Variants in ABCC4 observed in about 807,000 individuals in gnomAD.
The protein encoded by ABCC4 is ATP-binding cassette sub-family C member 4.
A neutral mutation model predicts 168.5 loss-of-function variants in ABCC4; 102 were observed. The ratio of observed to expected loss-of-function variants is 0.61; its 90% CI spans 0.52 to 0.71. ABCC4 has a LOEUF of 0.71. Ranked by LOEUF, ABCC4 falls within the 30% of genes least tolerant of loss-of-function variation. The pLI, the probability that ABCC4 is intolerant of heterozygous loss-of-function variation, is 0.00. For missense variants in ABCC4, 1,402 were observed against 1,605.8 expected (o/e 0.87, Z 2.17); for synonymous variants, 617 against 590.7 (o/e 1.04, Z -0.65).
At chr13:95,196,743 G>A (rs966007912) in intron 8 of ABCC4, among the ~76,000 whole-genome samples, 5 of 146,898 alleles carry the variant, frequency 3.4e-5, no homozygotes, top group East Asian at 2.0e-4. Flanking sequence ...AAGGGAGGGA[G>A]GGAAGGAAGG....
chr13:95,115,828 C>A lies in ABCC4; in HGVS notation c.2535+94G>T. 3.1e-6 allele frequency: 3 copies of A among 968,952 alleles called. No individual in the cohort carries two copies. The African/African-American group carries it at 4.9e-5, about 16-fold the overall frequency. The allele number at this position is 968,952 out of a possible 1,614,324, so 60.0% of individuals were successfully genotyped here. ...TAAGTTAACATTACACACAGCCAGG[C>A]CGAGAGTCCCACCCCCAGACCCCAT... On this transcript the variant is annotated intron_variant, in intron 20 of 30. Transcript: ENST00000645237.
intron 8 of ABCC4, among the ~76,000 whole-genome samples, chr13:95,201,671 G>A (rs2038629987): frequency 6.6e-6 from 1 of 152,086 alleles, no homozygotes; most frequent in Non-Finnish European, 1.5e-5. Context: ...GAAGAGATGA[G>A]GATTAAAGAG....
At chr13:95,158,894 A>C (rs1294131395) in intron 19 of ABCC4, among the ~76,000 whole-genome samples, 2 of 151,536 alleles carry the variant, frequency 1.3e-5, no homozygotes, top group East Asian at 3.9e-4. Context: ...ACATAGTGAG[A>C]TCCCATCTCT....
intron 20 of ABCC4, 31 bp downstream of exon 20, chr13:95,115,891 T>C (rs1193645650): frequency 3.8e-6 from 6 of 1,573,174 alleles, no homozygotes; most frequent in African/African-American, 2.7e-5. Flanking sequence ...CCGTTTTCCA[T>C]TTGAGATCCT....
intron 19 of ABCC4, among the ~76,000 whole-genome samples, chr13:95,118,004 T>C (rs991147932): frequency 3.9e-5 from 6 of 152,158 alleles, no homozygotes; most frequent in Admixed American, 1.3e-4. Flanking sequence ...TTTGGGAGCA[T>C]CTTAAAATCT....
At position 95,166,294 on chromosome 13, in the gene ABCC4, T is replaced by C. The variant is rs1314521600; in HGVS notation, c.1898A>G (p.Lys633Arg). The C allele has an allele frequency of 1.2e-6, 2 of 1,613,966 alleles. No homozygotes were observed. Among genetic ancestry groups the C allele is most frequent in the African/African-American group, 2.7e-5 (2 of 74,930 alleles). ...AGGTTGTTCACTTTCCTCATTATCC[T>C]TCTTTAAAAGGGAGCCAAAATCTAT... ...SGIDFGSLLK[K>R]DNEESEQPPV... The change falls in exon 15 of 31, where the codon AAG becomes AGG. Residue 633 changes from lysine to arginine, a missense_variant. By Grantham distance (26) the Lys-to-Arg change is conservative. Transcript: ENST00000645237.
chr13:95,290,659 C>T (rs1333395794), intron 1 of ABCC4, among the ~76,000 whole-genome samples: 4 of 125,514 alleles, frequency 3.2e-5, no homozygotes, highest in South Asian at 2.5e-4. Context: ...TAGCCAAGAT[C>T]GTGCCATTGC....
chr13:95,164,772 G>A (rs2037218453), intron 15 of ABCC4, among the ~76,000 whole-genome samples: 1 of 152,028 alleles, frequency 6.6e-6, no homozygotes, highest in African/African-American at 2.4e-5. Flanking sequence ...TTGGCTCACT[G>A]CAACCTCTGC....
rs556848607 is a variant in ABCC4, at chr13:95,065,616, T to C, written c.3211-2757A>G. 9.9e-5 allele frequency among the ~76,000 whole-genome samples: 15 copies of C among 151,968 alleles called. No individual in the cohort carries two copies. The South Asian group carries it at 2.5e-3, about 25-fold the overall frequency. ...TATTTTGCTATTGTAAATAATACCA[T>C]GTTAAATATCCTTGAAGCTACATCT... On this transcript the variant is annotated intron_variant, in intron 25 of 30. Coordinates refer to ENST00000645237, the MANE Select transcript of ABCC4 (RefSeq NM_005845.5).
At chr13:95,097,592 CTTTTTTT>C (rs56169430) in intron 20 of ABCC4, among the ~76,000 whole-genome samples, 48 of 82,106 alleles carry the variant, frequency 5.8e-4, no homozygotes, top group Non-Finnish European at 8.5e-4. Context: ...AATATACATT[CTTTTTTT>C]TTTTTTTTTT....
At chr13:95,286,870 T>C (rs1473855713) in intron 1 of ABCC4, among the ~76,000 whole-genome samples, 2 of 150,930 alleles carry the variant, frequency 1.3e-5, no homozygotes, top group Admixed American at 6.6e-5. Context: ...GGCAGGAGAA[T>C]TGCTTGAACC....
intron 1 of ABCC4, among the ~76,000 whole-genome samples, chr13:95,263,716 G>C (rs971212445): frequency 6.6e-6 from 1 of 152,034 alleles, no homozygotes; most frequent in Non-Finnish European, 1.5e-5. Flanking sequence ...CTAGCTACTT[G>C]TGAGACTGAG....
chr13:95,287,360 G>A (rs1168802095), intron 1 of ABCC4, among the ~76,000 whole-genome samples: 4 of 151,622 alleles, frequency 2.6e-5, no homozygotes, highest in Admixed American at 2.6e-4. Flanking sequence ...AGGCTAAGGT[G>A]GGCAGATCAC....
chr13:95,144,971 C>A (rs1452492975), intron 19 of ABCC4, among the ~76,000 whole-genome samples: 1 of 151,386 alleles, frequency 6.6e-6, no homozygotes, highest in Non-Finnish European at 1.5e-5. Flanking sequence ...CTTAAGTTTA[C>A]AAGCAAAAAA....
chr13:95,197,242 A>C (rs565525846), intron 8 of ABCC4, among the ~76,000 whole-genome samples: 3 of 152,304 alleles, frequency 2.0e-5, no homozygotes, highest in South Asian at 4.1e-4. Flanking sequence ...TTATTCAAAC[A>C]ATCAGCTATG....
intron 4 of ABCC4, among the ~76,000 whole-genome samples, chr13:95,217,769 G>A (rs1304589053): frequency 6.6e-6 from 1 of 151,970 alleles, no homozygotes; most frequent in South Asian, 2.1e-4. Flanking sequence ...GATGCAAACC[G>A]CAGTTCATCA....
Position 95,040,914 on chromosome 13 carries a change from C to T in ABCC4, c.3735+2768G>A, listed in dbSNP as rs902318586. Reference sequence around the variant, plus strand: ...GTTTTGCTTCTCTGTAATTCACTCCCGAAGAATTCTCTAACTGCAGATTCG... The same window carrying T: ...GTTTTGCTTCTCTGTAATTCACTCCTGAAGAATTCTCTAACTGCAGATTCG... On this transcript the variant is annotated intron_variant, in intron 29 of 30. Transcript: ENST00000645237. Among the ~76,000 whole-genome samples, 5 of 152,178 alleles carry T rather than the reference C, an allele frequency of 3.3e-5. 1 individual carries two copies. The highest frequency in any genetic ancestry group is 5.9e-5 in the Non-Finnish European group (4 of 68,030).
chr13:95,032,548 G>A (rs949303940), intron 30 of ABCC4, among the ~76,000 whole-genome samples: 1 of 152,254 alleles, frequency 6.6e-6, no homozygotes, highest in South Asian at 2.1e-4. Flanking sequence ...GGCAAGGATA[G>A]TTCCTCACTT....
At chr13:95,212,534 C>A (rs191558299) in intron 4 of ABCC4, among the ~76,000 whole-genome samples, 3 of 152,344 alleles carry the variant, frequency 2.0e-5, no homozygotes, top group Non-Finnish European at 4.4e-5. Flanking sequence ...CTTGAACTAT[C>A]ATCCACAGAT....
Sources: allele counts gnomAD v4.1 joint callset (sites outside exome capture counted in the v4.1 genomes callset), GRCh38; gene constraint gnomAD v4.1.1; transcripts MANE v1.5; gene names NCBI Gene and HGNC (gene_info 2026-07-23, HGNC 2026-07-21).